Variants in KAT2B observed in about 807,000 individuals in gnomAD.
KAT2B encodes the protein histone acetyltransferase KAT2B.
Under a neutral mutation model 105.9 loss-of-function variants are expected in KAT2B, and 36 were observed. The ratio of observed to expected loss-of-function variants is 0.34; its 90% CI spans 0.26 to 0.45. The LOEUF (loss-of-function observed/expected upper bound fraction) is 0.45. Among genes scored for constraint, KAT2B ranks in the 20% least tolerant of loss-of-function variants. The pLI, the probability that KAT2B is intolerant of heterozygous loss-of-function variation, is 1.00. For missense variants in KAT2B, 820 were observed against 1,021.6 expected (o/e 0.80, Z 2.69); for synonymous variants, 397 against 377.9 (o/e 1.05, Z -0.59).
At chr3:20,143,529 T>G (rs1699729459) in intron 13 of KAT2B, among the ~76,000 whole-genome samples, 2 of 152,106 alleles carry the variant, frequency 1.3e-5, no homozygotes, top group South Asian at 4.2e-4. Context: ...ATCCTATTAC[T>G]GAGCATATAC....
chr3:20,050,311 A>T (rs577623915), intron 1 of KAT2B, among the ~76,000 whole-genome samples: 4 of 152,154 alleles, frequency 2.6e-5, no homozygotes, highest in Non-Finnish European at 1.5e-5. Context: ...TTTTAGTTGC[A>T]TTACACATAA....
At chr3:20,119,807 A>T in intron 8 of KAT2B, 84 bp downstream of exon 8, 1 of 1,445,338 alleles carries the variant, frequency 6.9e-7, no homozygotes, top group Non-Finnish European at 9.5e-7. Flanking sequence ...GTAGACTTGA[A>T]CCAAGTACAG....
rs912832015 is a variant in KAT2B, at chr3:20,111,497, T to G, written c.852-99T>G. ...GCTTGTTATTGCAGGCCTAGTTTTTTTCTGCTATAGTTAATAGTACGAGAT... is the reference window on the plus strand; with the variant it reads ...GCTTGTTATTGCAGGCCTAGTTTTTGTCTGCTATAGTTAATAGTACGAGAT... On this transcript the variant is annotated intron_variant, in intron 5 of 17. Coordinates refer to ENST00000263754, the MANE Select transcript of KAT2B (RefSeq NM_003884.5). 41 of 996,466 alleles carry G rather than the reference T, an allele frequency of 4.1e-5. No individual in the cohort carries two copies. In the Admixed American group the frequency reaches 4.5e-4, roughly 11 times the overall value. The allele number at this position is 996,466 out of a possible 1,614,324, so 61.7% of individuals were successfully genotyped here.
chr3:20,049,323 G>T (rs1181974895), intron 1 of KAT2B, among the ~76,000 whole-genome samples: 1 of 152,130 alleles, frequency 6.6e-6, no homozygotes, highest in East Asian at 1.9e-4. Context: ...TGTAAAAAAC[G>T]TTCCATTGGT....
intron 2 of KAT2B, among the ~76,000 whole-genome samples, chr3:20,077,186 T>A (rs1698434937): frequency 6.6e-6 from 1 of 152,184 alleles, no homozygotes; most frequent in Admixed American, 6.5e-5. Flanking sequence ...GAAGTAATAA[T>A]TCTAGCCTGT....
In KAT2B at chr3:20,078,703, GTA is replaced by G. The variant is rs371492340; in HGVS notation, c.430+6254_430+6255del. Among the ~76,000 whole-genome samples, 9 of 148,126 alleles carry G rather than the reference GTA, an allele frequency of 6.1e-5. No homozygotes were observed. The South Asian group carries it at 8.3e-4, about 14-fold the overall frequency. ...TTTTCTGATATATGTGTATATATAT[GTA>G]TATATATATGTACACATTCAGCAGT... On this transcript the variant is annotated intron_variant, in intron 2 of 17. Transcript: ENST00000263754.
intron 1 of KAT2B, among the ~76,000 whole-genome samples, chr3:20,044,566 A>G (rs1227437270): frequency 1.3e-5 from 2 of 151,654 alleles, no homozygotes; most frequent in African/African-American, 2.4e-5. Flanking sequence ...GGGTTCAGGC[A>G]CATGGTTTCC....
chr3:20,103,838 G>A (rs1698952573), intron 5 of KAT2B, among the ~76,000 whole-genome samples: 1 of 152,190 alleles, frequency 6.6e-6, no homozygotes, highest in Non-Finnish European at 1.5e-5. Context: ...GGGTTTGAAT[G>A]GTGTGGGTCC....
chr3:20,041,154 A>G (rs1285629256), intron 1 of KAT2B, among the ~76,000 whole-genome samples: 1 of 152,046 alleles, frequency 6.6e-6, no homozygotes, highest in Non-Finnish European at 1.5e-5. Flanking sequence ...GGGCAAGGAA[A>G]AATCTTTTGG....
At chr3:20,133,753 G>A (rs1383384004) in intron 11 of KAT2B, among the ~76,000 whole-genome samples, 2 of 152,126 alleles carry the variant, frequency 1.3e-5, no homozygotes, top group Non-Finnish European at 2.9e-5. Context: ...TTCACCAGTG[G>A]TGTTGGAGAG....
intron 5 of KAT2B, among the ~76,000 whole-genome samples, chr3:20,109,235 A>T (rs1338119703): frequency 1.3e-5 from 2 of 152,018 alleles, no homozygotes; most frequent in East Asian, 3.9e-4. Context: ...TGACTGTTTA[A>T]CTCTATGGTT....
chr3:20,087,623 TG>T (rs1698643918), intron 2 of KAT2B, among the ~76,000 whole-genome samples: 1 of 152,198 alleles, frequency 6.6e-6, no homozygotes, highest in African/African-American at 2.4e-5. Flanking sequence ...TCTGTGTAAA[TG>T]AAACTTTGTA....
chr3:20,056,624 A>G (rs1035634812), intron 1 of KAT2B, among the ~76,000 whole-genome samples: 2 of 152,216 alleles, frequency 1.3e-5, no homozygotes, highest in African/African-American at 4.8e-5. Flanking sequence ...GAAAAGAGAA[A>G]TATGGTCAAA....
intron 9 of KAT2B, among the ~76,000 whole-genome samples, chr3:20,123,725 C>T (rs1407986801): frequency 6.6e-6 from 1 of 152,164 alleles, no homozygotes; most frequent in Non-Finnish European, 1.5e-5. Context: ...TAAAACAACT[C>T]CCCAGCCTTG....
intron 9 of KAT2B, among the ~76,000 whole-genome samples, chr3:20,125,306 G>GAA (rs34271857): frequency 0.11 from 12,951 of 117,002 alleles, 999 homozygotes; most frequent in East Asian, 0.27. Context: ...CTCCGTCTCA[G>GAA]AAAAAAAAAA....
chr3:20,066,642 C>CCT (rs1698227482), intron 1 of KAT2B, among the ~76,000 whole-genome samples: 1 of 151,606 alleles, frequency 6.6e-6, no homozygotes, highest in African/African-American at 2.4e-5. Context: ...CATGTGTGAT[C>CCT]CTCCCACCTC....
chr3:20,099,803 G>C (rs1698877269), intron 3 of KAT2B, 59 bp from the exon 4 acceptor site: 5 of 818,494 alleles, frequency 6.1e-6, no homozygotes, highest in African/African-American at 1.7e-5. Context: ...AGAGAGGAGA[G>C]AGAGATAGAC....
At chr3:20,113,444 G>T (rs926380003) in intron 6 of KAT2B, among the ~76,000 whole-genome samples, 7 of 152,070 alleles carry the variant, frequency 4.6e-5, no homozygotes, top group Non-Finnish European at 8.8e-5. Context: ...CTTCTTGCAG[G>T]TATTTGCTAA....
intron 5 of KAT2B, among the ~76,000 whole-genome samples, chr3:20,106,029 T>C (rs1392683426): frequency 6.6e-6 from 1 of 152,152 alleles, no homozygotes; most frequent in Non-Finnish European, 1.5e-5. Context: ...GTCTGGACTT[T>C]AATTAAGTAA....
Sources: gnomAD v4.1 joint callset for allele counts (sites outside exome capture counted in the v4.1 genomes callset) on GRCh38, gnomAD v4.1.1 for gene constraint, MANE v1.5 for transcripts, NCBI Gene and HGNC (gene_info 2026-07-23, HGNC 2026-07-21) for gene names.